MSI2: variants seen among roughly 807,000 people sequenced by gnomAD.
MSI2 encodes the protein musashi RNA binding protein 2.
Under a neutral mutation model 45.6 loss-of-function variants are expected in MSI2, and 17 were observed. The ratio of observed to expected loss-of-function variants is 0.37; its 90% CI spans 0.26 to 0.56. MSI2 has a LOEUF of 0.56. MSI2 is among the 20% of genes least tolerant of loss of function. The probability of loss-of-function intolerance (pLI) is 0.77; values close to 1 mark genes in which losing one functional copy is unlikely to be tolerated. For synonymous variants in MSI2, 156 were observed against 158.2 expected, an observed-to-expected ratio of 0.99 and a Z score of 0.11; for missense variants, 293 against 444.2, an observed-to-expected ratio of 0.66 and a Z score of 3.06.
intron 5 of MSI2, among the ~76,000 whole-genome samples, chr17:57,299,506 T>C (rs919656709): frequency 6.6e-6 from 1 of 152,188 alleles, no homozygotes; most frequent in African/African-American, 2.4e-5. Flanking sequence ...GTATTGTGTC[T>C]ACAGGCCTGC....
At chr17:57,381,321 C>G (rs1048420666) in intron 5 of MSI2, among the ~76,000 whole-genome samples, 4 of 152,144 alleles carry the variant, frequency 2.6e-5, no homozygotes, top group Non-Finnish European at 5.9e-5. Context: ...CTGTCTCGGC[C>G]TCCCAGAGTG....
rs144177928 is a variant in MSI2, at chr17:57,521,113, G to C, written c.406-8563G>C. On this transcript the variant is annotated intron_variant, in intron 6 of 13. Coordinates refer to ENST00000284073, the MANE Select transcript of MSI2 (RefSeq NM_138962.4). ...AAAAACGTGCCTGGCAGCAGCAGCT[G>C]GGATAGAAACTCCAAGCGCACCTTC... Among the ~76,000 whole-genome samples, 592 of 152,302 alleles carry C rather than the reference G, an allele frequency of 3.9e-3. 8 individuals carry two copies. The highest frequency in any genetic ancestry group is 0.014 in the African/African-American group (575 of 41,566).
intron 5 of MSI2, among the ~76,000 whole-genome samples, chr17:57,272,829 G>A (rs774958309): frequency 6.6e-6 from 1 of 152,144 alleles, no homozygotes; most frequent in Non-Finnish European, 1.5e-5. Flanking sequence ...AAACTGCTGC[G>A]ACATCTTAAG....
chr17:57,414,244 G>C (rs1390931191), intron 6 of MSI2, among the ~76,000 whole-genome samples: 1 of 152,188 alleles, frequency 6.6e-6, no homozygotes, highest in African/African-American at 2.4e-5. Flanking sequence ...GGCTGGGTCT[G>C]TTTACTCACC....
intron 7 of MSI2, among the ~76,000 whole-genome samples, chr17:57,542,468 A>G (rs8064657): frequency 0.041 from 6,299 of 152,252 alleles, 215 homozygotes; most frequent in African/African-American, 0.094. Flanking sequence ...ATGATGACTG[A>G]TTAATGTCAT....
At chr17:57,342,847 G>T (rs1567768944) in intron 5 of MSI2, among the ~76,000 whole-genome samples, 3 of 152,136 alleles carry the variant, frequency 2.0e-5, no homozygotes, top group Admixed American at 2.0e-4. Context: ...AAATTTTAAT[G>T]TATTAATATT....
At chr17:57,337,116 T>G (rs978408480) in intron 5 of MSI2, among the ~76,000 whole-genome samples, 1 of 152,224 alleles carries the variant, frequency 6.6e-6, no homozygotes, top group African/African-American at 2.4e-5. Context: ...TTCTTTTGGC[T>G]CTTAAAATTC....
At chr17:57,486,135 C>T (rs955253096) in intron 6 of MSI2, among the ~76,000 whole-genome samples, 1 of 152,232 alleles carries the variant, frequency 6.6e-6, no homozygotes, top group East Asian at 1.9e-4. Flanking sequence ...TGAACACCCA[C>T]GTGAGTAGAA....
chr17:57,665,598 C>T (rs1219799105), intron 11 of MSI2, among the ~76,000 whole-genome samples: 1 of 151,822 alleles, frequency 6.6e-6, no homozygotes, highest in East Asian at 1.9e-4. Flanking sequence ...AACTTCCCCA[C>T]CCCACCCTGC....
intron 6 of MSI2, among the ~76,000 whole-genome samples, chr17:57,468,947 T>C (rs1401736881): frequency 1.3e-5 from 2 of 152,280 alleles, no homozygotes; most frequent in African/African-American, 2.4e-5. Flanking sequence ...TTTCCTCCCT[T>C]GAAAGCAGAG....
At chr17:57,346,403 TG>T (rs1915615845) in intron 5 of MSI2, among the ~76,000 whole-genome samples, 1 of 151,956 alleles carries the variant, frequency 6.6e-6, no homozygotes, top group African/African-American at 2.4e-5. Context: ...TGGAATTCAT[TG>T]ATCTACCCCT....
At chr17:57,495,777 C>G (rs985821849) in intron 6 of MSI2, among the ~76,000 whole-genome samples, 12 of 152,178 alleles carry the variant, frequency 7.9e-5, no homozygotes, top group African/African-American at 2.9e-4. Context: ...CTCTTCACCC[C>G]AGCATCCCAG....
chr17:57,275,083 A>G (rs912523927), intron 5 of MSI2, among the ~76,000 whole-genome samples: 2 of 152,250 alleles, frequency 1.3e-5, no homozygotes, highest in Non-Finnish European at 2.9e-5. Context: ...AAGTTAGTTG[A>G]TAAGTCCTTA....
At chr17:57,312,592 C>G (rs931903270) in intron 5 of MSI2, among the ~76,000 whole-genome samples, 5 of 152,182 alleles carry the variant, frequency 3.3e-5, no homozygotes, top group Non-Finnish European at 5.9e-5. Context: ...GTGACCCTTT[C>G]ATATTTCAGG....
chr17:57,269,715 C>G (rs375321115), intron 5 of MSI2, among the ~76,000 whole-genome samples: 2 of 152,142 alleles, frequency 1.3e-5, no homozygotes, highest in Admixed American at 1.3e-4. Context: ...CATGTGTAGA[C>G]AGTGAGATGT....
intron 12 of MSI2, among the ~76,000 whole-genome samples, chr17:57,675,606 C>T (rs756198342): frequency 4.6e-5 from 7 of 152,116 alleles, no homozygotes; most frequent in Non-Finnish European, 8.8e-5. Context: ...TCCCAGCTCC[C>T]CACCAGAGTA....
At chr17:57,668,145 G>A (rs1444204004) in intron 11 of MSI2, among the ~76,000 whole-genome samples, 1 of 152,146 alleles carries the variant, frequency 6.6e-6, no homozygotes, top group East Asian at 1.9e-4. Flanking sequence ...GTTGCAGTGA[G>A]TCGAGATTAC....
chr17:57,555,246 G>A (rs1019970535), intron 7 of MSI2, among the ~76,000 whole-genome samples: 2 of 151,700 alleles, frequency 1.3e-5, no homozygotes, highest in African/African-American at 4.8e-5. Flanking sequence ...TGCACCCACC[G>A]CCATGCTCTG....
chr17:57,623,040 T>C (rs143162387), intron 9 of MSI2, among the ~76,000 whole-genome samples: 244 of 152,328 alleles, frequency 1.6e-3, no homozygotes, highest in African/African-American at 5.6e-3. Flanking sequence ...TCATTTTAGA[T>C]AATTTGAATT....
Sources: gnomAD v4.1 joint callset for allele counts (sites outside exome capture counted in the v4.1 genomes callset) on GRCh38, gnomAD v4.1.1 for gene constraint, MANE v1.5 for transcripts, NCBI Gene and HGNC (gene_info 2026-07-23, HGNC 2026-07-21) for gene names.